Variants in TRAPPC9 observed in about 807,000 individuals in gnomAD.
TRAPPC9 encodes trafficking protein particle complex subunit 9.
Under a neutral mutation model 124.0 loss-of-function variants are expected in TRAPPC9, and 83 were observed. The observed-to-expected ratio is 0.67, with a 90% CI of 0.56 to 0.80. The LOEUF (loss-of-function observed/expected upper bound fraction) is 0.80. TRAPPC9 is among the 30% of genes least tolerant of loss of function. The pLI, the probability that TRAPPC9 is intolerant of heterozygous loss-of-function variation, is 0.00. For synonymous variants in TRAPPC9, 638 were observed against 617.5 expected (o/e 1.03, Z -0.49); for missense variants, 1,302 against 1,508.3 (o/e 0.86, Z 2.27).
intron 18 of TRAPPC9, among the ~76,000 whole-genome samples, chr8:140,004,563 C>T (rs1838625666): frequency 6.6e-6 from 1 of 151,802 alleles, no homozygotes; most frequent in African/African-American, 2.4e-5. Flanking sequence ...TAGGAGGCTC[C>T]AGTGAAAAAA....
intron 8 of TRAPPC9, among the ~76,000 whole-genome samples, chr8:140,362,250 T>G (rs967310305): frequency 1.3e-5 from 2 of 152,190 alleles, no homozygotes; most frequent in African/African-American, 4.8e-5. Flanking sequence ...CACACGTGGA[T>G]CAAGACGTAA....
chr8:140,454,681 G>A (rs1031589217), intron 1 of TRAPPC9, among the ~76,000 whole-genome samples: 1 of 144,790 alleles, frequency 6.9e-6, no homozygotes, highest in African/African-American at 2.6e-5. Flanking sequence ...CCTCACACCT[G>A]TGATCTCAAC....
At chr8:140,093,407 C>T (rs1016708207) in intron 17 of TRAPPC9, among the ~76,000 whole-genome samples, 2 of 152,208 alleles carry the variant, frequency 1.3e-5, no homozygotes, top group African/African-American at 4.8e-5. Context: ...GTGGCTCACA[C>T]CTGTAATCCC....
At chr8:140,453,749 G>A (rs1026319537) in intron 1 of TRAPPC9, among the ~76,000 whole-genome samples, 2 of 152,052 alleles carry the variant, frequency 1.3e-5, no homozygotes, top group African/African-American at 2.4e-5. Flanking sequence ...TCCCCACAAC[G>A]ATTCCCTAAA....
chr8:140,148,846 T>A (rs2061499133), intron 17 of TRAPPC9, among the ~76,000 whole-genome samples: 1 of 152,208 alleles, frequency 6.6e-6, no homozygotes, highest in Admixed American at 6.5e-5. Context: ...ATAGAGTTAT[T>A]CTCATTCTTG....
intron 17 of TRAPPC9, among the ~76,000 whole-genome samples, chr8:140,037,693 C>T (rs1840987156): frequency 6.8e-6 from 1 of 146,726 alleles, no homozygotes; most frequent in Non-Finnish European, 1.5e-5. Context: ...ACACATCCCA[C>T]ACACGTACAC....
intron 17 of TRAPPC9, among the ~76,000 whole-genome samples, chr8:140,183,093 G>A (rs781372566): frequency 5.9e-5 from 9 of 151,568 alleles, no homozygotes; most frequent in Non-Finnish European, 1.0e-4. Flanking sequence ...CTCTACCACT[G>A]AGCCATAATC....
At chr8:140,208,145 T>C (rs1395475668) in intron 17 of TRAPPC9, among the ~76,000 whole-genome samples, 2 of 136,364 alleles carry the variant, frequency 1.5e-5, no homozygotes, top group Non-Finnish European at 3.1e-5. Context: ...AATGAAACTC[T>C]GTCTCAAAAA....
At chr8:140,128,978 TATATATATAC>T (rs755910226) in intron 17 of TRAPPC9, among the ~76,000 whole-genome samples, 2,329 of 124,168 alleles carry the variant, frequency 0.019, 22 homozygotes, top group Middle Eastern at 0.039. Context: ...ATAAAATATA[TATATATATAC>T]ATATATATAT....
intron 19 of TRAPPC9, among the ~76,000 whole-genome samples, chr8:139,947,114 A>C (rs1003661448): frequency 6.6e-6 from 1 of 152,236 alleles, no homozygotes; most frequent in East Asian, 1.9e-4. Flanking sequence ...CATGCAACTC[A>C]CCTGGCAAGT....
At chr8:140,043,555 G>A (rs981979629) in intron 17 of TRAPPC9, among the ~76,000 whole-genome samples, 1 of 152,172 alleles carries the variant, frequency 6.6e-6, no homozygotes, top group Admixed American at 6.5e-5. Context: ...GAGGCCTGAT[G>A]GGTCAGTGTC....
At chr8:140,300,394 TG>T in intron 11 of TRAPPC9, 74 bp downstream of exon 11, 1 of 1,598,810 alleles carries the variant, frequency 6.3e-7, no homozygotes, top group Non-Finnish European at 8.6e-7. Flanking sequence ...CTCAAAATGC[TG>T]TTCTAAAAAT....
chr8:139,856,744 A>T (rs1278914229), intron 21 of TRAPPC9, among the ~76,000 whole-genome samples: 1 of 152,094 alleles, frequency 6.6e-6, no homozygotes. Context: ...CAAAAAAAAA[A>T]AAAAAACCCA....
chr8:140,035,306 C>G (rs1840805046), intron 17 of TRAPPC9, among the ~76,000 whole-genome samples: 1 of 152,224 alleles, frequency 6.6e-6, no homozygotes, highest in Admixed American at 6.5e-5. Flanking sequence ...ATGTACTTGA[C>G]AGCCAGCACT....
At chr8:140,271,178 C>T (rs1275178284) in intron 15 of TRAPPC9, among the ~76,000 whole-genome samples, 1 of 152,260 alleles carries the variant, frequency 6.6e-6, no homozygotes, top group East Asian at 1.9e-4. Flanking sequence ...TAATTAAGTT[C>T]AGAGTACCAG....
At position 140,439,082 on chromosome 8, in the gene TRAPPC9, G is replaced by A. The variant is rs572449732; in HGVS notation, c.700C>T (p.Arg234Cys). 8.1e-6 allele frequency: 13 copies of A among 1,614,118 alleles called. No homozygotes were observed. The highest frequency in any genetic ancestry group is 2.2e-5 in the East Asian group (1 of 44,886). Residue 234 changes from arginine (R) to cysteine (C), a missense_variant, in exon 3 of 23, where the codon CGT becomes TGT. Arg to Cys is a radical substitution (Grantham distance 180). Around this residue, in one of 3 missense-constraint regions of TRAPPC9, gnomAD observed 657 missense variants for 811.2 expected, o/e 0.81. Coordinates refer to ENST00000438773, the MANE Select transcript of TRAPPC9 (RefSeq NM_001160372.4). Reference sequence around the variant, plus strand: ...AGCCACAGAAAGTCATTCACAGAACGCAGCAGCTCCACCGACATGTGGTAA... The same window carrying A: ...AGCCACAGAAAGTCATTCACAGAACACAGCAGCTCCACCGACATGTGGTAA... Reference protein sequence around the residue: ...VHYHMSVELLRSVNDFLWLGA... With the variant: ...VHYHMSVELLCSVNDFLWLGA...
In TRAPPC9 at chr8:139,943,168, G is replaced by A. The variant is rs563968643; in HGVS notation, c.2811-32868C>T. 2.6e-5 allele frequency among the ~76,000 whole-genome samples: 4 copies of A among 152,336 alleles called. No individual in the cohort carries two copies. In the East Asian group the frequency reaches 7.7e-4, roughly 29 times the overall value. On this transcript the variant is annotated intron_variant, in intron 19 of 22. Coordinates refer to ENST00000438773, the MANE Select transcript of TRAPPC9 (RefSeq NM_001160372.4). Reference sequence around the variant, plus strand: ...TGTAACTTCCGCCACCTGGGTTCAAGCGATTCTCCTGTCTCAGCCTCCCAA... The same window carrying A: ...TGTAACTTCCGCCACCTGGGTTCAAACGATTCTCCTGTCTCAGCCTCCCAA...
intron 21 of TRAPPC9, among the ~76,000 whole-genome samples, chr8:139,822,742 T>C (rs1825338444): frequency 6.6e-6 from 1 of 152,162 alleles, no homozygotes; most frequent in Non-Finnish European, 1.5e-5. Flanking sequence ...CATGGAGTCT[T>C]CAGACACCAG....
intron 14 of TRAPPC9, among the ~76,000 whole-genome samples, chr8:140,281,968 G>A (rs770415501): frequency 9.9e-5 from 15 of 152,252 alleles, no homozygotes; most frequent in South Asian, 2.1e-4. Flanking sequence ...CAGTCCTGAC[G>A]ACAGTGCACT....
Sources: gnomAD v4.1 joint callset for allele counts (sites outside exome capture counted in the v4.1 genomes callset) on GRCh38, gnomAD v4.1.1 for gene constraint, gnomAD v4.1.1 regional missense constraint, MANE v1.5 for transcripts, NCBI Gene and HGNC (gene_info 2026-07-23, HGNC 2026-07-21) for gene names.